The following NPNT variants were observed in gnomAD, a reference collection of about 807,000 sequenced individuals.
The protein encoded by NPNT is nephronectin, also known as preosteoblast EGF-like repeat protein with MAM domain.
NPNT carries 45 observed loss-of-function variants against 68.6 expected under a neutral mutation model. The ratio of observed to expected loss-of-function variants is 0.66; its 90% CI spans 0.52 to 0.84. The LOEUF (loss-of-function observed/expected upper bound fraction) is 0.84, where lower values mean the gene tolerates loss of function less well. Among genes scored for constraint, NPNT ranks in the 40% least tolerant of loss-of-function variants. The pLI is 0.00. For synonymous variants in NPNT, 233 were observed against 253.3 expected (o/e 0.92, Z 0.76); for missense variants, 672 against 714.8 (o/e 0.94, Z 0.68).
Position 105,970,507 on chromosome 4 carries a change from AT to A in NPNT, c.*1518del, listed in dbSNP as rs781315052. ...CAAACCATTGATGGTTTTCAAGTAT[AT>A]GAAGGGTTGGCACAGAGAGGGTGGC... On this transcript the variant is annotated 3_prime_UTR_variant, in exon 12 of 12. Transcript: ENST00000379987. 1.0e-5 allele frequency: 7 copies of A among 689,702 alleles called. No individual in the cohort carries two copies. The highest frequency in any genetic ancestry group is 8.9e-5 in the South Asian group (6 of 67,176). 42.7% of individuals were successfully genotyped at this position (689,702 alleles called of 1,614,324 possible).
chr4:105,963,824 T>C (rs1731919066), intron 10 of NPNT, among the ~76,000 whole-genome samples: 1 of 151,536 alleles, frequency 6.6e-6, no homozygotes, highest in African/African-American at 2.4e-5. Context: ...AAAATACACA[T>C]AAATGTAAAA....
intron 2 of NPNT, among the ~76,000 whole-genome samples, chr4:105,922,508 C>T (rs890603777): frequency 5.9e-5 from 9 of 151,762 alleles, no homozygotes; most frequent in Non-Finnish European, 1.2e-4. Flanking sequence ...CCTCAGCCTC[C>T]CAAGTAGCTG....
intron 8 of NPNT, among the ~76,000 whole-genome samples, chr4:105,948,886 C>G (rs950494291): frequency 3.9e-5 from 6 of 152,176 alleles, no homozygotes; most frequent in African/African-American, 1.4e-4. Flanking sequence ...GCATGAACCA[C>G]TGCACCCAGC....
intron 5 of NPNT, 148 bp from the exon 6 acceptor site, chr4:105,939,927 G>T: frequency 1.6e-6 from 1 of 630,334 alleles, no homozygotes; most frequent in Admixed American, 2.9e-5. Context: ...TGGAATTTAT[G>T]TTGCCTGTAG....
intron 8 of NPNT, among the ~76,000 whole-genome samples, chr4:105,956,450 T>C (rs1731232367): frequency 6.6e-6 from 1 of 152,068 alleles, no homozygotes. Flanking sequence ...CGATTTGCCA[T>C]TTGATAGTCC....
chr4:105,931,138 A>G (rs955556428), intron 3 of NPNT, among the ~76,000 whole-genome samples: 1 of 152,104 alleles, frequency 6.6e-6, no homozygotes, highest in Non-Finnish European at 1.5e-5. Flanking sequence ...TTCTGTACCA[A>G]CACAAACCTC....
chr4:105,910,189 G>A (rs28680558), intron 2 of NPNT, among the ~76,000 whole-genome samples: 3,052 of 152,202 alleles, frequency 0.02, 102 homozygotes, highest in African/African-American at 0.068. Context: ...ATAATCCCCA[G>A]ATAGTTTAGT....
intron 2 of NPNT, among the ~76,000 whole-genome samples, chr4:105,899,301 A>G (rs1578566117): frequency 6.6e-6 from 1 of 152,292 alleles, no homozygotes; most frequent in African/African-American, 2.4e-5. Context: ...AAATGTGAAG[A>G]AAGGACCCTT....
In NPNT at chr4:105,936,243, CT is replaced by C. The variant is rs1465308725; in HGVS notation, c.266-765del. ...TAGTGTTTCCATATGCCTTTTTTAA[CT>C]GCGGAATAAATGAAAATATGTTGGT... On this transcript the variant is annotated intron_variant, in intron 3 of 11. Coordinates refer to ENST00000379987, the MANE Select transcript of NPNT (RefSeq NM_001033047.3). 2.6e-5 allele frequency among the ~76,000 whole-genome samples: 4 copies of C among 152,240 alleles called. No homozygotes were observed. In the East Asian group the frequency reaches 5.8e-4, roughly 22 times the overall value.
chr4:105,949,136 T>C (rs1730616689), intron 8 of NPNT, among the ~76,000 whole-genome samples: 1 of 152,170 alleles, frequency 6.6e-6, no homozygotes, highest in African/African-American at 2.4e-5. Flanking sequence ...AAAAAGTTCT[T>C]AGGTCAAATA....
chr4:105,923,732 AG>A (rs1728447481), intron 2 of NPNT, among the ~76,000 whole-genome samples: 1 of 152,138 alleles, frequency 6.6e-6, no homozygotes, highest in African/African-American at 2.4e-5. Context: ...AGCATTCCAA[AG>A]CCCCACCCCA....
At chr4:105,938,996 T>G (rs1250507693) in intron 5 of NPNT, among the ~76,000 whole-genome samples, 1 of 152,168 alleles carries the variant, frequency 6.6e-6, no homozygotes, top group Admixed American at 6.5e-5. Flanking sequence ...TGCAAAGAGC[T>G]TAGCACAATA....
chr4:105,900,007 T>G, intron 2 of NPNT, among the ~76,000 whole-genome samples: 1 of 152,234 alleles, frequency 6.6e-6, no homozygotes, highest in East Asian at 1.9e-4. Context: ...TTTATGAAAT[T>G]AAAAGTTTTG....
At chr4:105,962,502 T>C (rs541905994) in intron 10 of NPNT, among the ~76,000 whole-genome samples, 1 of 152,104 alleles carries the variant, frequency 6.6e-6, no homozygotes, top group East Asian at 1.9e-4. Context: ...TGAGTTATCT[T>C]GGTGGAAGCA....
chr4:105,896,449 G>A (rs1313578720), intron 1 of NPNT, among the ~76,000 whole-genome samples: 1 of 152,172 alleles, frequency 6.6e-6, no homozygotes, highest in Non-Finnish European at 1.5e-5. Flanking sequence ...CCGCGCTCCG[G>A]GGCCGCTCCG....
In NPNT at chr4:105,971,458, TA is replaced by T. The variant is rs1402468822; in HGVS notation, c.*2470del. On this transcript the variant is annotated 3_prime_UTR_variant, in exon 12 of 12. Coordinates refer to ENST00000379987, the MANE Select transcript of NPNT (RefSeq NM_001033047.3). Reference sequence around the variant, plus strand: ...ATGGTTCATTTCCTTTATGGTCATATAACTGCACAGCTGAAGATGAAAGGGG... The same window carrying T: ...ATGGTTCATTTCCTTTATGGTCATATACTGCACAGCTGAAGATGAAAGGGG... The T allele has an allele frequency of 5.1e-6, 1 of 197,112 alleles. No individual in the cohort carries two copies. The highest frequency in any genetic ancestry group is 2.3e-5 in the African/African-American group (1 of 43,690). 12.2% of individuals were successfully genotyped at this position (197,112 alleles called of 1,614,324 possible).
chr4:105,967,353 A>G lies in NPNT; in HGVS notation c.1511A>G (p.His504Arg), dbSNP rs1289223591. 1.9e-6 allele frequency: 3 copies of G among 1,609,912 alleles called. No individual in the cohort carries two copies. Among genetic ancestry groups the G allele is most frequent in the Non-Finnish European group, 2.5e-6 (3 of 1,178,072 alleles). ...SGTLQVFVRK[H>R]GAHGAALWGR... ...ACACTCCAGGTGTTTGTGAGAAAAC[A>G]CGGTGCCCACGGAGCAGCCCTGTGG... The change falls in exon 11 of 12, where the codon CAC (histidine) becomes CGC (arginine). Residue 504 changes from histidine to arginine, a missense_variant. Transcript: ENST00000379987.
intron 10 of NPNT, among the ~76,000 whole-genome samples, chr4:105,962,696 CAG>C (rs1490345009): frequency 4.6e-5 from 7 of 151,866 alleles, no homozygotes; most frequent in Admixed American, 2.0e-4. Context: ...CAAAAGATGG[CAG>C]AGAGTTGGAA....
intron 1 of NPNT, 108 bp downstream of exon 1, chr4:105,895,831 C>A: frequency 1.0e-6 from 1 of 999,642 alleles, no homozygotes; most frequent in Non-Finnish European, 1.5e-6. Flanking sequence ...GGCGTCTCCT[C>A]CATCCAGAAG....
Sources: allele counts gnomAD v4.1 joint callset (sites outside exome capture counted in the v4.1 genomes callset), GRCh38; gene constraint gnomAD v4.1.1; transcripts MANE v1.5; gene names NCBI Gene and HGNC (gene_info 2026-07-23, HGNC 2026-07-21).